UVRAG: variants seen among roughly 807,000 people sequenced by gnomAD.
UVRAG encodes UV radiation resistance-associated gene protein.
Under a neutral mutation model 78.0 loss-of-function variants are expected in UVRAG, and 19 were observed. The ratio of observed to expected loss-of-function variants is 0.24; its 90% confidence interval spans 0.17 to 0.36. The LOEUF (loss-of-function observed/expected upper bound fraction) is 0.36, where lower values mean the gene tolerates loss of function less well. Ranked by LOEUF, UVRAG falls within the 10% of genes least tolerant of loss-of-function variation. The pLI is 1.00. For missense variants in UVRAG, 740 were observed against 853.8 expected (o/e 0.87, Z 1.66); for synonymous variants, 323 against 324.6 (o/e 1.00, Z 0.05).
At chr11:76,088,702 T>G (rs1951639021) in intron 13 of UVRAG, among the ~76,000 whole-genome samples, 1 of 152,018 alleles carries the variant, frequency 6.6e-6, no homozygotes, top group East Asian at 1.9e-4. Flanking sequence ...TGAAATTTCC[T>G]TCCCCTTTTG....
chr11:75,900,351 G>C (rs1331518242), intron 5 of UVRAG, among the ~76,000 whole-genome samples: 2 of 152,112 alleles, frequency 1.3e-5, no homozygotes, highest in Non-Finnish European at 2.9e-5. Flanking sequence ...TTCAACTGTT[G>C]TACAAAGCTG....
At chr11:75,975,309 A>G (rs1183917024) in intron 7 of UVRAG, among the ~76,000 whole-genome samples, 1 of 152,110 alleles carries the variant, frequency 6.6e-6, no homozygotes, top group Non-Finnish European at 1.5e-5. Context: ...TGATGCCTCT[A>G]GTTTTGTTCT....
intron 12 of UVRAG, among the ~76,000 whole-genome samples, chr11:76,044,809 A>G (rs1215044): frequency 1.3e-5 from 2 of 152,202 alleles, no homozygotes; most frequent in Admixed American, 6.5e-5. Flanking sequence ...AAAAATTTTA[A>G]AAAGCATAAG....
At chr11:75,988,092 CTTTG>C (rs1302038949) in intron 8 of UVRAG, among the ~76,000 whole-genome samples, 3 of 152,106 alleles carry the variant, frequency 2.0e-5, no homozygotes, top group Admixed American at 6.5e-5. Flanking sequence ...ATTTTCATTT[CTTTG>C]TTTTTTTTAT....
At chr11:75,945,663 T>C (rs1373940195) in intron 6 of UVRAG, among the ~76,000 whole-genome samples, 1 of 152,128 alleles carries the variant, frequency 6.6e-6, no homozygotes, top group East Asian at 1.9e-4. Flanking sequence ...CTTATCCTAA[T>C]ATACCAGGTT....
intron 13 of UVRAG, among the ~76,000 whole-genome samples, chr11:76,086,299 T>C (rs1951588250): frequency 6.6e-6 from 1 of 152,192 alleles, no homozygotes; most frequent in Non-Finnish European, 1.5e-5. Flanking sequence ...CTAAAGTGGG[T>C]ATTGGATTTT....
chr11:75,966,536 A>G (rs116428491), intron 7 of UVRAG, among the ~76,000 whole-genome samples: 2,690 of 152,256 alleles, frequency 0.018, 71 homozygotes, highest in African/African-American at 0.061. Flanking sequence ...ATTTTTGTCG[A>G]CATATATGTA....
chr11:75,973,695 T>G (rs1565406113), intron 7 of UVRAG, among the ~76,000 whole-genome samples: 1 of 152,232 alleles, frequency 6.6e-6, no homozygotes, highest in Non-Finnish European at 1.5e-5. Flanking sequence ...CTCCTAATGC[T>G]ATCCCTCCTC....
chr11:76,001,956 C>A (rs900901310), intron 8 of UVRAG, among the ~76,000 whole-genome samples: 1 of 152,042 alleles, frequency 6.6e-6, no homozygotes, highest in Non-Finnish European at 1.5e-5. Context: ...AAACAGAAAC[C>A]ATTAATCAAG....
intron 6 of UVRAG, among the ~76,000 whole-genome samples, chr11:75,934,200 G>A (rs1475840296): frequency 6.6e-6 from 1 of 152,164 alleles, no homozygotes; most frequent in Non-Finnish European, 1.5e-5. Flanking sequence ...AACATGGATG[G>A]AACTGGAGGT....
At chr11:76,108,158 T>C (rs2134454474) in intron 13 of UVRAG, among the ~76,000 whole-genome samples, 1 of 152,286 alleles carries the variant, frequency 6.6e-6, no homozygotes, top group Non-Finnish European at 1.5e-5. Context: ...ATAAGTGGCT[T>C]TGTGTGAATG....
chr11:75,915,642 G>A (rs554194280), intron 6 of UVRAG, among the ~76,000 whole-genome samples: 93 of 152,282 alleles, frequency 6.1e-4, no homozygotes, highest in African/African-American at 2.1e-3. Context: ...GGAATATAAA[G>A]CAATGTTGTA....
intron 12 of UVRAG, among the ~76,000 whole-genome samples, chr11:76,053,103 C>A (rs1027450156): frequency 1.3e-5 from 2 of 151,620 alleles, no homozygotes; most frequent in Admixed American, 6.6e-5. Flanking sequence ...GTCAGGAGTT[C>A]AAGACCAGCC....
chr11:76,048,885 T>C (rs1416092295), intron 12 of UVRAG, among the ~76,000 whole-genome samples: 1 of 152,170 alleles, frequency 6.6e-6, no homozygotes, highest in Admixed American at 6.5e-5. Flanking sequence ...GTTGATTTAG[T>C]GGAATTAAGT....
chr11:76,107,102 A>G (rs899126899), intron 13 of UVRAG, among the ~76,000 whole-genome samples: 5 of 152,246 alleles, frequency 3.3e-5, no homozygotes, highest in African/African-American at 1.2e-4. Context: ...TTGACTCCAG[A>G]GTTGCATGAG....
At chr11:75,917,087 T>C (rs1445414581) in intron 6 of UVRAG, among the ~76,000 whole-genome samples, 1 of 152,210 alleles carries the variant, frequency 6.6e-6, no homozygotes, top group Non-Finnish European at 1.5e-5. Context: ...GGAGGTTACT[T>C]TCAGGAAGGG....
At chr11:76,004,830 C>T (rs907787620) in intron 9 of UVRAG, among the ~76,000 whole-genome samples, 1 of 152,038 alleles carries the variant, frequency 6.6e-6, no homozygotes, top group African/African-American at 2.4e-5. Flanking sequence ...GCTTAACTTT[C>T]AAATAGCCTG....
intron 12 of UVRAG, among the ~76,000 whole-genome samples, chr11:76,037,668 C>T (rs1950561555): frequency 1.3e-5 from 2 of 151,906 alleles, no homozygotes; most frequent in African/African-American, 4.8e-5. Context: ...GCTGTGTTCA[C>T]ACCACTACAC....
chr11:76,137,843 G>T, intron 14 of UVRAG: 1 of 225,838 alleles, frequency 4.4e-6, no homozygotes, highest in African/African-American at 2.3e-5. Flanking sequence ...AGGAGTTGAG[G>T]CTGCAGTGAG....
Sources: allele counts gnomAD v4.1 joint callset (sites outside exome capture counted in the v4.1 genomes callset), GRCh38; gene constraint gnomAD v4.1.1; transcripts MANE v1.5; gene names NCBI Gene and HGNC (gene_info 2026-07-23, HGNC 2026-07-21).